The following RPAP3 variants were observed in gnomAD, a reference collection of about 807,000 sequenced individuals.
RPAP3 encodes the protein RNA polymerase II associated protein 3.
A neutral mutation model predicts 88.8 loss-of-function variants in RPAP3; 58 were observed. The ratio of observed to expected loss-of-function variants is 0.65; its 90% confidence interval spans 0.53 to 0.81. The LOEUF (loss-of-function observed/expected upper bound fraction) is 0.81, where lower values mean the gene tolerates loss of function less well. RPAP3 is among the 40% of genes least tolerant of loss of function. The pLI, the probability that RPAP3 is intolerant of heterozygous loss-of-function variation, is 0.00. For synonymous variants in RPAP3, 255 were observed against 259.9 expected (o/e 0.98, Z 0.18); for missense variants, 751 against 764.3 (o/e 0.98, Z 0.20).
rs376617259 is a variant in RPAP3, at chr12:47,663,484, T to C, written c.*21A>G. 1.3e-6 allele frequency: 2 copies of C among 1,510,232 alleles called. No individual in the cohort carries two copies. The highest frequency in any genetic ancestry group is 9.0e-7 in the Non-Finnish European group (1 of 1,105,014). 93.6% of individuals were successfully genotyped at this position (1,510,232 alleles called of 1,614,324 possible). ...ATTTACATATGAAAGTCAAAAACAA[T>C]TATTTCAGCAAAAATGGAAATCAAC... On this transcript the variant is annotated 3_prime_UTR_variant, in exon 17 of 17. Coordinates refer to ENST00000005386, the MANE Select transcript of RPAP3 (RefSeq NM_024604.3).
chr12:47,699,117 A>G (rs1939595115), intron 3 of RPAP3, among the ~76,000 whole-genome samples: 1 of 152,192 alleles, frequency 6.6e-6, no homozygotes, highest in Admixed American at 6.5e-5. Flanking sequence ...CTCAGATCTG[A>G]ACTAGAATGA....
At chr12:47,690,041 C>CAAA (rs573336232) in intron 6 of RPAP3, among the ~76,000 whole-genome samples, 1 of 56,614 alleles carries the variant, frequency 1.8e-5, no homozygotes. Flanking sequence ...GACTCTGTCT[C>CAAA]AAAAAAAAAA....
chr12:47,700,308 G>A (rs2136644493), intron 3 of RPAP3: 1 of 152,218 alleles, frequency 6.6e-6, no homozygotes, highest in Non-Finnish European at 1.5e-5. Context: ...GAGTAGAGGG[G>A]AGAAAAGAAC....
chr12:47,696,680 G>A (rs1172683944), intron 4 of RPAP3, among the ~76,000 whole-genome samples: 1 of 151,692 alleles, frequency 6.6e-6, no homozygotes, highest in East Asian at 1.9e-4. Context: ...CTTCTACACA[G>A]TGAAATATAT....
intron 5 of RPAP3, among the ~76,000 whole-genome samples, chr12:47,694,919 G>A (rs1230111641): frequency 6.6e-6 from 1 of 152,178 alleles, no homozygotes; most frequent in East Asian, 1.9e-4. Context: ...CACTGCTAAT[G>A]AGAATGTAAA....
At chr12:47,679,915 G>A (rs1194824704) in intron 10 of RPAP3, 141 bp from the exon 11 acceptor site, 2 of 601,142 alleles carry the variant, frequency 3.3e-6, no homozygotes. Context: ...AAACAGGTGA[G>A]CTATAGTAAG....
intron 12 of RPAP3, among the ~76,000 whole-genome samples, chr12:47,676,959 A>G (rs939408522): frequency 6.6e-6 from 1 of 152,222 alleles, no homozygotes; most frequent in South Asian, 2.1e-4. Flanking sequence ...TTTTAGACCA[A>G]TATCCCTGAT....
At chr12:47,692,682 C>T (rs747509406) in intron 5 of RPAP3, among the ~76,000 whole-genome samples, 7 of 152,164 alleles carry the variant, frequency 4.6e-5, no homozygotes, top group African/African-American at 7.2e-5. Flanking sequence ...TTGGAGTAGC[C>T]CTTTTAATTT....
intron 1 of RPAP3, among the ~76,000 whole-genome samples, chr12:47,704,450 C>T (rs1939731281): frequency 6.6e-6 from 1 of 152,020 alleles, no homozygotes; most frequent in Admixed American, 6.5e-5. Context: ...CTCACTGCAA[C>T]CTCCACCTCC....
intron 12 of RPAP3, among the ~76,000 whole-genome samples, chr12:47,674,690 G>A (rs570981271): frequency 1.4e-5 from 2 of 147,408 alleles, no homozygotes; most frequent in South Asian, 4.4e-4. Context: ...ACAAGACAAG[G>A]TTAGAGAAAA....
At chr12:47,703,071 C>A (rs995622669) in intron 1 of RPAP3, among the ~76,000 whole-genome samples, 1 of 152,156 alleles carries the variant, frequency 6.6e-6, no homozygotes, top group Non-Finnish European at 1.5e-5. Context: ...CCTTGAAAGG[C>A]AACATTAAAG....
chr12:47,663,529 T>A lies in RPAP3; in HGVS notation c.1974A>T (p.Glu658Asp), dbSNP rs756914994. The A allele has an allele frequency of 1.1e-5, 17 of 1,592,918 alleles. No homozygotes were observed. The East Asian group carries it at 3.7e-4, about 34-fold the overall frequency. Residue 658 changes from glutamate (E) to aspartate (D), a missense_variant, in exon 17 of 17, where the codon GAA becomes GAT. Physicochemically the swap from Glu to Asp is conservative, Grantham distance 45. Transcript: ENST00000005386. ...KSGLKDSSVE[E>D]LKKRYGG The stretch of plus-strand genomic sequence containing the variant: ...ATCAACCACCGTATCTTTTCTTGAG[T>A]TCTTCGACAGAACTATCCTTCAATC...
At chr12:47,680,961 A>C (rs1490238546) in intron 10 of RPAP3, among the ~76,000 whole-genome samples, 1 of 151,074 alleles carries the variant, frequency 6.6e-6, no homozygotes. Flanking sequence ...AAAAAAAAAC[A>C]AAAAAACGAA....
Position 47,667,041 on chromosome 12 carries a change from T to C in RPAP3, c.1851A>G (p.Arg617=), listed in dbSNP as rs1236186377. 1 of 1,518,850 alleles carries C rather than the reference T, an allele frequency of 6.6e-7. No individual in the cohort carries two copies. The highest frequency in any genetic ancestry group is 8.8e-7 in the Non-Finnish European group (1 of 1,139,910). The allele number at this position is 1,518,850 out of a possible 1,614,324, so 94.1% of individuals were successfully genotyped here. Reference sequence around the variant, plus strand: ...TATCAAACCTTTTTAGTTCAGAAAGTCTTTGTAAGATTTCAAAGATGAGTA... The same window carrying C: ...TATCAAACCTTTTTAGTTCAGAAAGCCTTTGTAAGATTTCAAAGATGAGTA... ...KPLLIFEILQ[R]LSELKRFDMA... is the part of the protein sequence containing the mutation. Residue 617 remains arginine (R), a synonymous_variant, in exon 16 of 17, where the codon AGA becomes AGG. Coordinates refer to ENST00000005386, the MANE Select transcript of RPAP3 (RefSeq NM_024604.3).
At position 47,688,013 on chromosome 12, in the gene RPAP3, A is replaced by T; in HGVS notation, c.739-12T>A. ...TTGGATGCTAAAGCCTAGGAGACAT[A>T]GCAGTCAGCTAAAATAAAACAAAGT... On this transcript the variant is annotated splice_polypyrimidine_tract_variant and intron_variant, in intron 7 of 16. Transcript: ENST00000005386. 1.3e-6 allele frequency: 2 copies of T among 1,597,890 alleles called. No individual in the cohort carries two copies. Among genetic ancestry groups the T allele is most frequent in the Non-Finnish European group, 1.7e-6 (2 of 1,172,614 alleles).
At chr12:47,697,816 A>G (rs576210454) in intron 3 of RPAP3, 97 bp from the exon 4 acceptor site, 8 of 1,124,534 alleles carry the variant, frequency 7.1e-6, no homozygotes, top group Non-Finnish European at 1.0e-5. Flanking sequence ...ATGAATGTAA[A>G]TTGTTACAAT....
Position 47,679,760 on chromosome 12 carries a change from A to G in RPAP3, c.1129T>C (p.Leu377=). ...NEAKQDFETV[L]LLEPGNKQAV... The stretch of plus-strand genomic sequence containing the variant: ...TGCTTATTTCCAGGTTCCAGAAGTA[A>G]AACAGTTTCAAAATCTAAAGCGAAT... The change falls in exon 11 of 17, where the codon TTA becomes CTA. Residue 377 remains leucine, a synonymous_variant. Transcript: ENST00000005386. 6.2e-7 allele frequency: 1 copy of G among 1,604,614 alleles called. No homozygotes were observed. Among genetic ancestry groups the G allele is most frequent in the Non-Finnish European group, 8.5e-7 (1 of 1,175,170 alleles).
chr12:47,694,777 C>G (rs1313917840), intron 5 of RPAP3, among the ~76,000 whole-genome samples: 1 of 152,016 alleles, frequency 6.6e-6, no homozygotes, highest in Non-Finnish European at 1.5e-5. Flanking sequence ...GAAAACCTTA[C>G]TAATAGCTGA....
intron 14 of RPAP3, 79 bp downstream of exon 14, chr12:47,668,837 T>C (rs994352665): frequency 2.4e-5 from 26 of 1,079,352 alleles, no homozygotes; most frequent in African/African-American, 1.3e-4. Flanking sequence ...AAAAAGCAAA[T>C]ACGGCACCAT....
Sources: gnomAD v4.1 joint callset for allele counts (sites outside exome capture counted in the v4.1 genomes callset) on GRCh38, gnomAD v4.1.1 for gene constraint, MANE v1.5 for transcripts, NCBI Gene and HGNC (gene_info 2026-07-23, HGNC 2026-07-21) for gene names.